Variants in AOC3 observed in about 807,000 individuals in gnomAD.
AOC3 encodes the protein amine oxidase copper containing 3.
A neutral mutation model predicts 55.4 loss-of-function variants in AOC3; 47 were observed. The ratio of observed to expected loss-of-function variants is 0.85; its 90% CI spans 0.67 to 1.08. The LOEUF is 1.08. AOC3 is among the 50% of genes least tolerant of loss of function. The probability of loss-of-function intolerance (pLI) is 0.00; values close to 1 mark genes in which losing one functional copy is unlikely to be tolerated. For missense variants in AOC3, 853 were observed against 993.1 expected, an observed-to-expected ratio of 0.86 and a Z score of 1.90; for synonymous variants, 386 against 410.7, an observed-to-expected ratio of 0.94 and a Z score of 0.73.
Position 42,856,466 on chromosome 17 carries a change from C to T in AOC3, c.2208C>T (p.Val736=). The T allele has an allele frequency of 3.7e-6, 6 of 1,613,038 alleles. No homozygotes were observed. The highest frequency in any genetic ancestry group is 5.1e-6 in the Non-Finnish European group (6 of 1,179,292). The change falls in exon 4 of 4, where the codon GTC becomes GTT. Residue 736 remains valine, a synonymous_variant. Transcript: ENST00000308423. The part of the protein sequence containing the change: ...RGDQDAGACE[V]NPLACLPQAA... ...ACCAGGATGCTGGGGCCTGCGAGGTCAACCCCCTAGCTTGCCTGCCCCAGG... is the reference window on the plus strand; with the variant it reads ...ACCAGGATGCTGGGGCCTGCGAGGTTAACCCCCTAGCTTGCCTGCCCCAGG...
chr17:42,855,137 G>A (rs1010299606), intron 2 of AOC3, among the ~76,000 whole-genome samples: 1 of 152,306 alleles, frequency 6.6e-6, no homozygotes, highest in African/African-American at 2.4e-5. Context: ...GAGCCACAAT[G>A]CCTGGCCAAA....
chr17:42,854,529 G>A lies in AOC3; in HGVS notation c.1682G>A (p.Arg561Lys). Residue 561 changes from arginine to lysine, a missense_variant, in exon 2 of 4, where the codon AGG becomes AAG. Arg to Lys is a conservative substitution (Grantham distance 26). Coordinates refer to ENST00000308423, the MANE Select transcript of AOC3 (RefSeq NM_003734.4). ...TGGAGCCCTGAGCACCAGCTGCAGAGGCTGCAGGTGACCCGGAAGCTGCTG... is the reference window on the plus strand; with the variant it reads ...TGGAGCCCTGAGCACCAGCTGCAGAAGCTGCAGGTGACCCGGAAGCTGCTG... ...VPWSPEHQLQ[R>K]LQVTRKLLEM... The A allele has an allele frequency of 6.2e-7, 1 of 1,610,542 alleles. No homozygotes were observed. Among genetic ancestry groups the A allele is most frequent in the Non-Finnish European group, 8.5e-7 (1 of 1,178,206 alleles).
Position 42,852,532 on chromosome 17 carries a change from C to T in AOC3, c.1189C>T (p.Pro397Ser), listed in dbSNP as rs766465185. 6.2e-7 allele frequency: 1 copy of T among 1,614,224 alleles called. No individual in the cohort carries two copies. Among genetic ancestry groups the T allele is most frequent in the South Asian group, 1.1e-5 (1 of 91,078 alleles). Residue 397 changes from proline to serine, a missense_variant, in exon 1 of 4, where the codon CCC becomes TCC. Pro to Ser is a moderately conservative substitution (Grantham distance 74). Coordinates refer to ENST00000308423, the MANE Select transcript of AOC3 (RefSeq NM_003734.4). ...GGFGMGKYTT[P>S]LTRGVDCPYL... is the part of the protein sequence containing the mutation. ...CTTTGGCATGGGCAAGTACACCACGCCCCTGACCCGTGGGGTGGACTGCCC... is the reference window on the plus strand; with the variant it reads ...CTTTGGCATGGGCAAGTACACCACGTCCCTGACCCGTGGGGTGGACTGCCC...
chr17:42,854,417 G>T, intron 1 of AOC3, 31 bp from the exon 2 acceptor site: 1 of 1,455,756 alleles, frequency 6.9e-7, no homozygotes, highest in South Asian at 1.5e-5. Flanking sequence ...GCAGTTGCCT[G>T]ACAGGCCCTC....
At position 42,851,340 on chromosome 17, in the gene AOC3, G is replaced by A. The variant is rs775829576; in HGVS notation, c.-4G>A. The A allele has an allele frequency of 6.3e-7, 1 of 1,587,344 alleles. No individual in the cohort carries two copies. The highest frequency in any genetic ancestry group is 1.2e-5 in the South Asian group (1 of 86,436). Reference sequence around the variant, plus strand: ...TTGAATCAGCTGTCCCTCTTCGTGGGAAAATGAACCAGAAGACAATCCTCG... The same window carrying A: ...TTGAATCAGCTGTCCCTCTTCGTGGAAAAATGAACCAGAAGACAATCCTCG... On this transcript the variant is annotated 5_prime_UTR_variant, in exon 1 of 4. Transcript: ENST00000308423.
chr17:42,852,709 G>A lies in AOC3; in HGVS notation c.1366G>A (p.Ala456Thr), dbSNP rs1447197687. The A allele has an allele frequency of 6.2e-7, 1 of 1,614,224 alleles. No homozygotes were observed. Among genetic ancestry groups the A allele is most frequent in the South Asian group, 1.1e-5 (1 of 91,086 alleles). ...DLYSHYFGGLAETVLVVRSMS... is the reference protein window; with the variant it reads ...DLYSHYFGGLTETVLVVRSMS... ...CTACTCGCACTACTTTGGGGGTCTT[G>A]CGGAAACGGTGCTGGTCGTCAGATC... Residue 456 changes from alanine to threonine, a missense_variant, in exon 1 of 4, where the codon GCG (alanine) becomes ACG (threonine). Physicochemically the swap from Ala to Thr is moderately conservative, Grantham distance 58 (BLOSUM62 0). Coordinates refer to ENST00000308423, the MANE Select transcript of AOC3 (RefSeq NM_003734.4).
In AOC3 at chr17:42,852,589, C is replaced by G. The variant is rs1410972037; in HGVS notation, c.1246C>G (p.Leu416Val). ...GGCCACCTACGTGGACTGGCACTTC[C>G]TTTTGGAGTCCCAGGCCCCCAAGAC... ...YLATYVDWHF[L>V]LESQAPKTIR... is the part of the protein sequence containing the mutation. The change falls in exon 1 of 4, where the codon CTT becomes GTT. Residue 416 changes from leucine (L) to valine (V), a missense_variant. Coordinates refer to ENST00000308423, the MANE Select transcript of AOC3 (RefSeq NM_003734.4). The G allele has an allele frequency of 6.2e-6, 10 of 1,614,212 alleles. No homozygotes were observed. The South Asian group carries it at 1.1e-4, about 18-fold the overall frequency.
At chr17:42,854,190 G>A (rs913701865) in intron 1 of AOC3, 9 of 333,922 alleles carry the variant, frequency 2.7e-5, no homozygotes, top group African/African-American at 6.3e-5. Context: ...CCCCAGGGAC[G>A]AGTACAGTCC....
At chr17:42,853,362 C>G (rs1158036009) in intron 1 of AOC3, 2 of 1,008,402 alleles carry the variant, frequency 2.0e-6, no homozygotes, top group Non-Finnish European at 2.4e-6. Context: ...CTGGCATGTG[C>G]AGGTCAGTCA....
intron 3 of AOC3, 104 bp from the exon 4 acceptor site, chr17:42,856,171 A>C (rs2055745231): frequency 2.1e-6 from 3 of 1,428,420 alleles, no homozygotes. Context: ...AGCAGGAAAA[A>C]ATGTTTAAAG....
chr17:42,851,884 C>G lies in AOC3; in HGVS notation c.541C>G (p.Gln181Glu), dbSNP rs891139219. ...GTTCCAAGAGTACCTGGACATAGAC[C>G]AGATGATCTTCAACAGAGAGCTGCC... is the stretch of plus-strand genomic sequence containing the variant. Reference protein sequence around the residue: ...VLFQEYLDIDQMIFNRELPQA... With the variant: ...VLFQEYLDIDEMIFNRELPQA... The change falls in exon 1 of 4, where the codon CAG becomes GAG. Residue 181 changes from glutamine to glutamate, a missense_variant. By Grantham distance (29) the Gln-to-Glu change is conservative. Transcript: ENST00000308423. 7 of 1,613,592 alleles carry G rather than the reference C, an allele frequency of 4.3e-6. No individual in the cohort carries two copies. In the African/African-American group the frequency reaches 8.0e-5, roughly 18 times the overall value.
rs2144292707 is a variant in AOC3, at chr17:42,852,302, G to T, written c.959G>T (p.Gly320Val). The T allele has an allele frequency of 5.6e-6, 9 of 1,614,020 alleles. No individual in the cohort carries two copies. Among genetic ancestry groups the T allele is most frequent in the Non-Finnish European group, 7.6e-6 (9 of 1,180,010 alleles). The part of the protein sequence containing the change: ...PAPPLQFYPQ[G>V]PRFSVQGSRV... The stretch of plus-strand genomic sequence containing the variant: ...CCCCCTCTACAGTTCTATCCCCAAG[G>T]CCCCCGCTTCAGTGTCCAGGGAAGT... The change falls in exon 1 of 4, where the codon GGC becomes GTC. Residue 320 changes from glycine (G) to valine (V), a missense_variant. Transcript: ENST00000308423.
Position 42,852,693 on chromosome 17 carries a change from C to G in AOC3, c.1350C>G (p.His450Gln), listed in dbSNP as rs372961818. 2 of 1,614,246 alleles carry G rather than the reference C, an allele frequency of 1.2e-6. No homozygotes were observed. The highest frequency in any genetic ancestry group is 1.7e-6 in the Non-Finnish European group (2 of 1,180,046). Reference protein sequence around the residue: ...LRRHHSDLYSHYFGGLAETVL... With the variant: ...LRRHHSDLYSQYFGGLAETVL... The stretch of plus-strand genomic sequence containing the variant: ...GACACCACTCAGATCTCTACTCGCA[C>G]TACTTTGGGGGTCTTGCGGAAACGG... Residue 450 changes from histidine to glutamine, a missense_variant, in exon 1 of 4, where the codon CAC becomes CAG. Transcript: ENST00000308423.
At position 42,852,611 on chromosome 17, in the gene AOC3, A is replaced by G; in HGVS notation, c.1268A>G (p.Lys423Arg). 2 of 1,614,170 alleles carry G rather than the reference A, an allele frequency of 1.2e-6. No homozygotes were observed. The highest frequency in any genetic ancestry group is 1.1e-5 in the South Asian group (1 of 91,084). ...WHFLLESQAPKTIRDAFCVFE... is the reference protein window; with the variant it reads ...WHFLLESQAPRTIRDAFCVFE... ...TTCCTTTTGGAGTCCCAGGCCCCCA[A>G]GACAATACGTGATGCCTTTTGTGTG... The change falls in exon 1 of 4, where the codon AAG becomes AGG. Residue 423 changes from lysine (K) to arginine (R), a missense_variant. Transcript: ENST00000308423.
Position 42,851,240 on chromosome 17 carries a change from G to A in AOC3, c.-104G>A, listed in dbSNP as rs911503614. 18 of 1,165,934 alleles carry A rather than the reference G, an allele frequency of 1.5e-5. No individual in the cohort carries two copies. The African/African-American group carries it at 1.9e-4, about 13-fold the overall frequency. 72.2% of individuals were successfully genotyped at this position (1,165,934 alleles called of 1,614,324 possible). A position where few individuals can be genotyped will look rare whatever the true frequency, so the allele number is the denominator to read the frequency against. The stretch of plus-strand genomic sequence containing the variant: ...CTACCGGGAACCTCAGCCAGAGTCC[G>A]GGAGCCCCCCACCCCGTCCAGGAGC... On this transcript the variant is annotated 5_prime_UTR_variant, in exon 1 of 4. Transcript: ENST00000308423.
rs779623719 is a variant in AOC3, at chr17:42,851,930, A to G, written c.587A>G (p.His196Arg). ...CTGCCCCAGGCTTCTGGGCTTCTCC[A>G]CCACTGTTGCTTCTACAAGCACCGG... ...RELPQASGLL[H>R]HCCFYKHRGR... The change falls in exon 1 of 4, where the codon CAC (histidine) becomes CGC (arginine). Residue 196 changes from histidine to arginine, a missense_variant. By Grantham distance (29) the His-to-Arg change is conservative (BLOSUM62 0). Coordinates refer to ENST00000308423, the MANE Select transcript of AOC3 (RefSeq NM_003734.4). 8.1e-6 allele frequency: 13 copies of G among 1,613,728 alleles called. No homozygotes were observed. The highest frequency in any genetic ancestry group is 1.1e-5 in the South Asian group (1 of 91,084).
intron 2 of AOC3, 118 bp downstream of exon 2, chr17:42,854,851 CTTTTTT>C: frequency 5.7e-5 from 42 of 731,740 alleles, no homozygotes; most frequent in Non-Finnish European, 6.8e-5. Context: ...TTTTCTTTTC[CTTTTTT>C]TTTTTTTTTT....
At chr17:42,856,227 T>C in intron 3 of AOC3, 48 bp from the exon 4 acceptor site, 1 of 1,597,284 alleles carries the variant, frequency 6.3e-7, no homozygotes, top group Non-Finnish European at 8.5e-7. Context: ...CCAGGGCATG[T>C]CCTCAGCAAA....
chr17:42,853,364 G>C, intron 1 of AOC3: 1 of 1,007,776 alleles, frequency 9.9e-7, no homozygotes, highest in Non-Finnish European at 1.2e-6. Context: ...GGCATGTGCA[G>C]GTCAGTCATT....
Sources: allele counts gnomAD v4.1 joint callset (sites outside exome capture counted in the v4.1 genomes callset), GRCh38; gene constraint gnomAD v4.1.1; transcripts MANE v1.5; gene names NCBI Gene and HGNC (gene_info 2026-07-23, HGNC 2026-07-21).